Variants in LRRC1 observed in about 807,000 individuals in gnomAD.
LRRC1 encodes the protein leucine-rich repeat-containing protein 1.
Under a neutral mutation model 69.9 loss-of-function variants are expected in LRRC1, and 28 were observed. The observed-to-expected ratio is 0.40, with a 90% CI of 0.30 to 0.55. The LOEUF (loss-of-function observed/expected upper bound fraction) is 0.55. Among genes scored for constraint, LRRC1 ranks in the 20% least tolerant of loss-of-function variants. LRRC1 has a pLI of 0.47. For synonymous variants in LRRC1, 236 were observed against 240.2 expected, an observed-to-expected ratio of 0.98 and a Z score of 0.16; for missense variants, 498 against 609.0, an observed-to-expected ratio of 0.82 and a Z score of 1.92.
At chr6:53,799,597 C>A (rs984039169) in intron 1 of LRRC1, among the ~76,000 whole-genome samples, 4 of 152,146 alleles carry the variant, frequency 2.6e-5, no homozygotes, top group African/African-American at 9.7e-5. Flanking sequence ...CCTTTGATTG[C>A]CTTATCTTTG....
intron 11 of LRRC1, among the ~76,000 whole-genome samples, chr6:53,916,803 A>G (rs1305332366): frequency 6.6e-6 from 1 of 152,216 alleles, no homozygotes; most frequent in African/African-American, 2.4e-5. Flanking sequence ...CCATGCTTAG[A>G]TATTAAATTT....
At chr6:53,839,894 A>C (rs1442981307) in intron 1 of LRRC1, among the ~76,000 whole-genome samples, 2 of 152,114 alleles carry the variant, frequency 1.3e-5, no homozygotes, top group Admixed American at 1.3e-4. Flanking sequence ...AAGAGTTGCA[A>C]ATTTCCTTTG....
chr6:53,920,610 T>G lies in LRRC1; in HGVS notation c.1280-15T>G. Reference sequence around the variant, plus strand: ...GAAACGCAATTCCCTGCTTATGTGGTCTTTGTCACTGCAGAGAATCTGCCT... The same window carrying G: ...GAAACGCAATTCCCTGCTTATGTGGGCTTTGTCACTGCAGAGAATCTGCCT... On this transcript the variant is annotated splice_polypyrimidine_tract_variant and intron_variant, in intron 12 of 13. Coordinates refer to ENST00000370888, the MANE Select transcript of LRRC1 (RefSeq NM_018214.5). 6.2e-7 allele frequency: 1 copy of G among 1,614,148 alleles called. No individual in the cohort carries two copies.
chr6:53,841,775 T>C (rs980860039), intron 1 of LRRC1, among the ~76,000 whole-genome samples: 9 of 152,184 alleles, frequency 5.9e-5, no homozygotes, highest in Non-Finnish European at 1.0e-4. Context: ...GCATTGCAGA[T>C]TTAATGTCAA....
intron 1 of LRRC1, among the ~76,000 whole-genome samples, chr6:53,830,608 C>A (rs2127412246): frequency 6.6e-6 from 1 of 152,210 alleles, no homozygotes; most frequent in South Asian, 2.1e-4. Flanking sequence ...TTTTACTTAA[C>A]TGTTTTGGTA....
intron 2 of LRRC1, among the ~76,000 whole-genome samples, chr6:53,877,967 A>T (rs910066096): frequency 6.6e-6 from 1 of 152,208 alleles, no homozygotes. Context: ...TGATAAAGAC[A>T]TACAAAAGAA....
At chr6:53,886,891 G>A (rs1056347375) in intron 4 of LRRC1, among the ~76,000 whole-genome samples, 1 of 152,158 alleles carries the variant, frequency 6.6e-6, no homozygotes, top group African/African-American at 2.4e-5. Context: ...TATATAACTG[G>A]TGTATGTACT....
chr6:53,826,861 T>C (rs1230084194), intron 1 of LRRC1, among the ~76,000 whole-genome samples: 1 of 151,994 alleles, frequency 6.6e-6, no homozygotes, highest in Non-Finnish European at 1.5e-5. Flanking sequence ...CCTCCCCCGA[T>C]TAGTTTCCCT....
chr6:53,888,977 A>C (rs1767585543), intron 4 of LRRC1, among the ~76,000 whole-genome samples: 1 of 152,178 alleles, frequency 6.6e-6, no homozygotes, highest in African/African-American at 2.4e-5. Context: ...GAGTCTAGTT[A>C]CCAGAATATA....
At chr6:53,810,893 C>G (rs79158677) in intron 1 of LRRC1, among the ~76,000 whole-genome samples, 28,932 of 151,982 alleles carry the variant, frequency 0.19, 2,989 homozygotes, top group Middle Eastern at 0.33. Flanking sequence ...TCCCAGGTCT[C>G]CAATCTGTCA....
chr6:53,802,936 T>C (rs1764528164), intron 1 of LRRC1, among the ~76,000 whole-genome samples: 1 of 152,068 alleles, frequency 6.6e-6, no homozygotes, highest in African/African-American at 2.4e-5. Flanking sequence ...TTTGTGAGAG[T>C]TGACAAAGAT....
intron 6 of LRRC1, 126 bp downstream of exon 6, chr6:53,897,018 G>A: frequency 1.5e-6 from 1 of 681,684 alleles, no homozygotes; most frequent in Non-Finnish European, 2.5e-6. Context: ...GGACACTAGA[G>A]AACCAGCTTT....
At chr6:53,824,716 C>T (rs1217769554) in intron 1 of LRRC1, among the ~76,000 whole-genome samples, 1 of 152,176 alleles carries the variant, frequency 6.6e-6, no homozygotes, top group East Asian at 1.9e-4. Flanking sequence ...AAATGCATAT[C>T]AGGTGCTGTT....
intron 4 of LRRC1, among the ~76,000 whole-genome samples, chr6:53,892,353 A>G (rs1477167528): frequency 1.3e-5 from 2 of 152,190 alleles, no homozygotes; most frequent in African/African-American, 4.8e-5. Context: ...TTAAAATCGC[A>G]TTTGTAAAAG....
At chr6:53,854,465 T>C (rs1228851205) in intron 2 of LRRC1, among the ~76,000 whole-genome samples, 2 of 152,206 alleles carry the variant, frequency 1.3e-5, no homozygotes, top group African/African-American at 4.8e-5. Context: ...AACATATTTA[T>C]TGGGTGCTTA....
chr6:53,847,125 A>G (rs1765973580), intron 2 of LRRC1, among the ~76,000 whole-genome samples: 1 of 152,234 alleles, frequency 6.6e-6, no homozygotes, highest in African/African-American at 2.4e-5. Flanking sequence ...ATGGTGAGAA[A>G]GTTATCCTTT....
rs542511983 is a variant in LRRC1 at position 53,891,682 on chromosome 6, TTGTAAATATATA to T, written c.447-4814_447-4803del. Among the ~76,000 whole-genome samples, 16 of 152,222 alleles carry T rather than the reference TTGTAAATATATA, an allele frequency of 1.1e-4. No individual in the cohort carries two copies. The South Asian group carries it at 3.1e-3, about 30-fold the overall frequency. ...AAGAAACTCTTTACTGAATATATTG[TTGTAAATATATA>T]TAAATTGGCCGGGTGTGATGGCTCA... On this transcript the variant is annotated intron_variant, in intron 4 of 13. Transcript: ENST00000370888.
chr6:53,808,490 C>T (rs1764698957), intron 1 of LRRC1, among the ~76,000 whole-genome samples: 1 of 152,102 alleles, frequency 6.6e-6, no homozygotes, highest in Non-Finnish European at 1.5e-5. Flanking sequence ...AGCAATGTGC[C>T]TCAGTCTGCT....
intron 1 of LRRC1, among the ~76,000 whole-genome samples, chr6:53,801,779 T>C (rs1764493507): frequency 6.6e-6 from 1 of 152,202 alleles, no homozygotes; most frequent in African/African-American, 2.4e-5. Context: ...AATGGGTTAG[T>C]GGAGATTAGA....
Sources: gnomAD v4.1 joint callset for allele counts (sites outside exome capture counted in the v4.1 genomes callset) on GRCh38, gnomAD v4.1.1 for gene constraint, MANE v1.5 for transcripts, NCBI Gene and HGNC (gene_info 2026-07-23, HGNC 2026-07-21) for gene names.